The following ADAMTS12 variants were observed in gnomAD, a reference collection of about 807,000 sequenced individuals.
The protein encoded by ADAMTS12 is ADAM metallopeptidase with thrombospondin type 1 motif 12, also known as A disintegrin and metalloproteinase with thrombospondin motifs 12.
In ADAMTS12, 118 loss-of-function variants were observed where a neutral mutation model predicts 167.8. The ratio of observed to expected loss-of-function variants is 0.70; its 90% CI spans 0.61 to 0.82. The LOEUF (loss-of-function observed/expected upper bound fraction) is 0.82, where lower values mean the gene tolerates loss of function less well. Ranked by LOEUF, ADAMTS12 falls within the 40% of genes least tolerant of loss-of-function variation. The pLI is 0.00. For synonymous variants in ADAMTS12, 704 were observed against 716.9 expected, an observed-to-expected ratio of 0.98 and a Z score of 0.29; for missense variants, 1,916 against 1,998.8, an observed-to-expected ratio of 0.96 and a Z score of 0.79.
intron 3 of ADAMTS12, among the ~76,000 whole-genome samples, chr5:33,747,261 T>G (rs1478712958): frequency 6.6e-6 from 1 of 152,152 alleles, no homozygotes; most frequent in Non-Finnish European, 1.5e-5. Context: ...GGGAGACAAC[T>G]ATTCATTGAG....
intron 9 of ADAMTS12, among the ~76,000 whole-genome samples, chr5:33,644,199 C>G (rs903129054): frequency 6.6e-5 from 10 of 152,260 alleles, no homozygotes; most frequent in African/African-American, 2.4e-4. Flanking sequence ...CAATCTTTCT[C>G]TCTCTAAATT....
At chr5:33,626,170 G>C (rs1171973050) in intron 13 of ADAMTS12, among the ~76,000 whole-genome samples, 1 of 152,212 alleles carries the variant, frequency 6.6e-6, no homozygotes, top group Non-Finnish European at 1.5e-5. Context: ...GAACAGTGAT[G>C]GTAGTGGTGG....
At chr5:33,864,849 G>A (rs1339519730) in intron 2 of ADAMTS12, among the ~76,000 whole-genome samples, 1 of 152,082 alleles carries the variant, frequency 6.6e-6, no homozygotes, top group Non-Finnish European at 1.5e-5. Flanking sequence ...GGGGTTAGGG[G>A]GCTAGGGAAG....
intron 23 of ADAMTS12, among the ~76,000 whole-genome samples, chr5:33,533,937 C>T (rs1026559071): frequency 6.6e-6 from 1 of 152,206 alleles, no homozygotes; most frequent in Non-Finnish European, 1.5e-5. Flanking sequence ...CCTTTCTCTC[C>T]TTTCTCCCAG....
intron 16 of ADAMTS12, among the ~76,000 whole-genome samples, chr5:33,603,899 C>G (rs1374897949): frequency 6.6e-6 from 1 of 152,028 alleles, no homozygotes; most frequent in Non-Finnish European, 1.5e-5. Flanking sequence ...GTCAAACAGC[C>G]CTGCAAAATA....
chr5:33,549,755 C>T (rs1399317770), intron 20 of ADAMTS12, among the ~76,000 whole-genome samples: 1 of 152,256 alleles, frequency 6.6e-6, no homozygotes, highest in Non-Finnish European at 1.5e-5. Flanking sequence ...CAGTGGGTGG[C>T]CATTCCGTCT....
At chr5:33,881,898 C>T (rs1490669110) in intron 1 of ADAMTS12, among the ~76,000 whole-genome samples, 2 of 152,016 alleles carry the variant, frequency 1.3e-5, no homozygotes, top group African/African-American at 4.8e-5. Context: ...TACAAAATCC[C>T]ACTGTTGACT....
intron 2 of ADAMTS12, among the ~76,000 whole-genome samples, chr5:33,840,692 C>T (rs1488655900): frequency 6.6e-6 from 1 of 152,244 alleles, no homozygotes; most frequent in African/African-American, 2.4e-5. Context: ...CCCAGGAATG[C>T]AGCAGCCTTA....
intron 12 of ADAMTS12, 72 bp downstream of exon 12, chr5:33,637,505 C>T (rs906985923): frequency 6.4e-5 from 95 of 1,480,846 alleles, no homozygotes; most frequent in Non-Finnish European, 8.2e-5. Context: ...ATCACAGAAA[C>T]CCTGACTGAC....
At chr5:33,691,964 C>A (rs896850025) in intron 3 of ADAMTS12, among the ~76,000 whole-genome samples, 7 of 152,234 alleles carry the variant, frequency 4.6e-5, no homozygotes, top group Non-Finnish European at 7.3e-5. Context: ...AGTGTCCCTA[C>A]CCCACTGGCC....
At chr5:33,530,371 C>G (rs1449201859) in intron 23 of ADAMTS12, among the ~76,000 whole-genome samples, 1 of 152,210 alleles carries the variant, frequency 6.6e-6, no homozygotes, top group East Asian at 1.9e-4. Flanking sequence ...TTCACTGGAC[C>G]TGGGCCATGC....
At chr5:33,637,509 G>C in intron 12 of ADAMTS12, 68 bp downstream of exon 12, 1 of 1,495,712 alleles carries the variant, frequency 6.7e-7, no homozygotes, top group Non-Finnish European at 9.1e-7. Context: ...CAGAAACCCT[G>C]ACTGACATAC....
At chr5:33,583,499 G>A (rs1218683049) in intron 18 of ADAMTS12, among the ~76,000 whole-genome samples, 3 of 152,034 alleles carry the variant, frequency 2.0e-5, no homozygotes, top group African/African-American at 7.2e-5. Flanking sequence ...TTTCTTTTTG[G>A]TATATACCCA....
intron 19 of ADAMTS12, among the ~76,000 whole-genome samples, chr5:33,573,027 G>A (rs988858189): frequency 6.6e-6 from 1 of 151,856 alleles, no homozygotes; most frequent in Non-Finnish European, 1.5e-5. Context: ...AAATACTTAG[G>A]AATCCAACTT....
At chr5:33,796,764 T>C (rs1267335138) in intron 2 of ADAMTS12, among the ~76,000 whole-genome samples, 1 of 152,176 alleles carries the variant, frequency 6.6e-6, no homozygotes, top group Non-Finnish European at 1.5e-5. Flanking sequence ...GTAGGGTCTA[T>C]GAAGAGCAGG....
chr5:33,793,917 T>A (rs528698875), intron 2 of ADAMTS12, among the ~76,000 whole-genome samples: 19 of 152,290 alleles, frequency 1.2e-4, no homozygotes, highest in Admixed American at 4.6e-4. Flanking sequence ...CGATTTGCAC[T>A]CTCCCGCAAG....
intron 2 of ADAMTS12, among the ~76,000 whole-genome samples, chr5:33,842,179 G>A (rs989466892): frequency 6.6e-6 from 1 of 152,136 alleles, no homozygotes; most frequent in Non-Finnish European, 1.5e-5. Flanking sequence ...CAGGCCCAGC[G>A]AGTCATTGGA....
At chr5:33,879,268 T>C (rs1432082282) in intron 2 of ADAMTS12, among the ~76,000 whole-genome samples, 3 of 151,854 alleles carry the variant, frequency 2.0e-5, no homozygotes, top group East Asian at 3.9e-4. Context: ...GCCCATGGGT[T>C]TGTCTTTGTA....
At chr5:33,677,567 T>C (rs1741964126) in intron 5 of ADAMTS12, among the ~76,000 whole-genome samples, 1 of 152,086 alleles carries the variant, frequency 6.6e-6, no homozygotes, top group African/African-American at 2.4e-5. Context: ...AACAAATTGG[T>C]CTAAAACAGA....
Sources: allele counts gnomAD v4.1 joint callset (sites outside exome capture counted in the v4.1 genomes callset), GRCh38; gene constraint gnomAD v4.1.1; transcripts MANE v1.5; gene names NCBI Gene and HGNC (gene_info 2026-07-23, HGNC 2026-07-21).